The following PDLIM5 variants were observed in gnomAD, a reference collection of about 807,000 sequenced individuals.
The protein encoded by PDLIM5 is PDZ and LIM domain protein 5.
In PDLIM5, 34 loss-of-function variants were observed where a neutral mutation model predicts 64.2. The observed-to-expected ratio is 0.53, with a 90% CI of 0.40 to 0.71. The LOEUF is 0.71. PDLIM5 is among the 30% of genes least tolerant of loss of function. The probability of loss-of-function intolerance (pLI) is 0.00; values close to 1 mark genes in which losing one functional copy is unlikely to be tolerated. For synonymous variants in PDLIM5, 253 were observed against 269.1 expected (o/e 0.94, Z 0.59); for missense variants, 683 against 733.6 (o/e 0.93, Z 0.80).
intron 2 of PDLIM5, among the ~76,000 whole-genome samples, chr4:94,471,915 ATACTTACAAAGACCTTATAAGTATTTG>A (rs1560637434): frequency 6.6e-5 from 10 of 151,912 alleles, no homozygotes; most frequent in African/African-American, 2.4e-4. Flanking sequence ...ATAAGTATTT[ATACTTACAAAGACCTTATAAGTATTTG>A]TACTTACAAA....
intron 2 of PDLIM5, among the ~76,000 whole-genome samples, chr4:94,494,317 A>G (rs1463562693): frequency 1.3e-5 from 2 of 150,930 alleles, no homozygotes; most frequent in East Asian, 3.9e-4. Flanking sequence ...ATACCTTGAA[A>G]TTTCTGTATA....
chr4:94,628,042 G>A (rs1194444864), intron 8 of PDLIM5, among the ~76,000 whole-genome samples: 2 of 152,308 alleles, frequency 1.3e-5, no homozygotes, highest in Admixed American at 1.3e-4. Flanking sequence ...TTATGTCAGA[G>A]TGTAATAATA....
intron 2 of PDLIM5, among the ~76,000 whole-genome samples, chr4:94,519,809 G>T (rs947948403): frequency 3.9e-5 from 6 of 152,116 alleles, no homozygotes; most frequent in Non-Finnish European, 4.4e-5. Flanking sequence ...AGTAAGATGG[G>T]CAAGCTCAAG....
intron 7 of PDLIM5, among the ~76,000 whole-genome samples, chr4:94,594,782 G>A (rs1171661384): frequency 2.0e-5 from 3 of 152,120 alleles, no homozygotes; most frequent in Middle Eastern, 3.4e-3. Flanking sequence ...TTTAGCAAAA[G>A]GATATCTAAA....
chr4:94,589,750 TCTTTTCTTTC>T (rs1436326616), intron 7 of PDLIM5, among the ~76,000 whole-genome samples: 16 of 151,392 alleles, frequency 1.1e-4, no homozygotes, highest in Non-Finnish European at 3.0e-5. Context: ...TCTTTTCTTT[TCTTTTCTTTC>T]CTTTTCCTTC....
At chr4:94,512,666 T>G (rs1253113507) in intron 2 of PDLIM5, among the ~76,000 whole-genome samples, 1 of 152,186 alleles carries the variant, frequency 6.6e-6, no homozygotes, top group African/African-American at 2.4e-5. Context: ...GTTTGCAATT[T>G]TTTTCTCCTA....
chr4:94,595,462 A>C (rs745901127), intron 7 of PDLIM5, among the ~76,000 whole-genome samples: 12 of 152,246 alleles, frequency 7.9e-5, no homozygotes, highest in Non-Finnish European at 1.8e-4. Flanking sequence ...AATAATGCCC[A>C]CATGATTTCT....
chr4:94,551,647 C>T (rs1247233667), intron 3 of PDLIM5, among the ~76,000 whole-genome samples: 5 of 152,050 alleles, frequency 3.3e-5, no homozygotes, highest in African/African-American at 1.2e-4. Flanking sequence ...TTTTATTCAG[C>T]TAAGTAGTAT....
At chr4:94,655,920 G>C (rs182206151) in intron 10 of PDLIM5, among the ~76,000 whole-genome samples, 8 of 152,250 alleles carry the variant, frequency 5.3e-5, no homozygotes, top group African/African-American at 1.9e-4. Flanking sequence ...GAGATAGTTT[G>C]ATTCAATATA....
intron 2 of PDLIM5, among the ~76,000 whole-genome samples, chr4:94,465,699 AG>A (rs1724295389): frequency 1.3e-5 from 2 of 152,128 alleles, no homozygotes; most frequent in Non-Finnish European, 2.9e-5. Flanking sequence ...TTGCCCAGCC[AG>A]GAAGTACAAT....
In PDLIM5 at chr4:94,654,485, A is replaced by C; in HGVS notation, c.1309A>C (p.Lys437Gln). The change falls in exon 10 of 13, where the codon AAA (lysine) becomes CAA (glutamine). Residue 437 changes from lysine to glutamine, a missense_variant. Transcript: ENST00000317968. ...IRGPFLVALG[K>Q]SWHPEEFNCA... Reference sequence around the variant, plus strand: ...AGGACCATTCTTAGTGGCACTGGGGAAATCTTGGCACCCAGAAGAATTCAA... The same window carrying C: ...AGGACCATTCTTAGTGGCACTGGGGCAATCTTGGCACCCAGAAGAATTCAA... The C allele has an allele frequency of 6.2e-7, 1 of 1,611,970 alleles. No individual in the cohort carries two copies. The highest frequency in any genetic ancestry group is 8.5e-7 in the Non-Finnish European group (1 of 1,178,116).
At chr4:94,570,000 C>T (rs1734674556) in intron 3 of PDLIM5, among the ~76,000 whole-genome samples, 1 of 152,018 alleles carries the variant, frequency 6.6e-6, no homozygotes, top group African/African-American at 2.4e-5. Context: ...ATGAAAATTT[C>T]TTCTCAAACC....
rs1351344548 is a variant in PDLIM5 at position 94,507,580 on chromosome 4, T to C, written c.97-16144T>C. ...ACCTCATGGCAAACTAATCTAACTCTGACTTTTAAGATTACAGTAAAATAT... is the reference window on the plus strand; with the variant it reads ...ACCTCATGGCAAACTAATCTAACTCCGACTTTTAAGATTACAGTAAAATAT... On this transcript the variant is annotated intron_variant, in intron 2 of 12. Transcript: ENST00000317968. Among the ~76,000 whole-genome samples, 3 of 152,314 alleles carry C rather than the reference T, an allele frequency of 2.0e-5. No homozygotes were observed. The East Asian group carries it at 5.8e-4, about 29-fold the overall frequency.
At chr4:94,630,507 A>G (rs555901185) in intron 8 of PDLIM5, among the ~76,000 whole-genome samples, 1 of 152,096 alleles carries the variant, frequency 6.6e-6, no homozygotes, top group Non-Finnish European at 1.5e-5. Context: ...AACAGTAGCT[A>G]GGATTACAGG....
chr4:94,573,377 C>T lies in PDLIM5; in HGVS notation c.275C>T (p.Pro92Leu), dbSNP rs200495769. ...GCATCTGCTGCACCCAAGCCTGAGC[C>T]GGTTCCTGTTCAAAAGGTGTGTTTT... ...QRASAAPKPE[P>L]VPVQKGEPKE... Residue 92 changes from proline to leucine, a missense_variant, in exon 4 of 13, where the codon CCG becomes CTG. Transcript: ENST00000317968. 283 of 1,612,222 alleles carry T rather than the reference C, an allele frequency of 1.8e-4. No homozygotes were observed. The highest frequency in any genetic ancestry group is 3.1e-4 in the East Asian group (14 of 44,846).
intron 5 of PDLIM5, among the ~76,000 whole-genome samples, chr4:94,585,158 T>C (rs1268539941): frequency 2.0e-5 from 3 of 152,204 alleles, no homozygotes; most frequent in Non-Finnish European, 4.4e-5. Flanking sequence ...TGGTGCGATC[T>C]TGGCTCACTG....
chr4:94,598,593 A>G (rs1737246372), intron 7 of PDLIM5, among the ~76,000 whole-genome samples: 1 of 152,082 alleles, frequency 6.6e-6, no homozygotes, highest in Non-Finnish European at 1.5e-5. Context: ...AGCATATATT[A>G]TATATAATAA....
At chr4:94,612,862 T>TC (rs1242493614) in intron 7 of PDLIM5, among the ~76,000 whole-genome samples, 1 of 151,742 alleles carries the variant, frequency 6.6e-6, no homozygotes, top group Admixed American at 6.6e-5. Flanking sequence ...ATAGTAATCT[T>TC]TAAAAGTATA....
rs199855935 is a variant in PDLIM5, at chr4:94,531,993, CT to C, written c.248+8119del. ...CTAGATAGAAACATTCGTTTGGATA[CT>C]GACTTGTGTATATGGTTTCCCATCC... On this transcript the variant is annotated intron_variant, in intron 3 of 12. Transcript: ENST00000317968. 3.1e-3 allele frequency among the ~76,000 whole-genome samples: 466 copies of C among 152,158 alleles called. 17 individuals are homozygous for C. In the East Asian group the frequency reaches 0.078, roughly 25 times the overall value.
Sources: allele counts gnomAD v4.1 joint callset (sites outside exome capture counted in the v4.1 genomes callset), GRCh38; gene constraint gnomAD v4.1.1; transcripts MANE v1.5; gene names NCBI Gene and HGNC (gene_info 2026-07-23, HGNC 2026-07-21).